ZNF804B: variants seen among roughly 807,000 people sequenced by gnomAD.
The protein encoded by ZNF804B is zinc finger 804B.
In ZNF804B, 80 loss-of-function variants were observed where a neutral mutation model predicts 101.4. The ratio of observed to expected loss-of-function variants is 0.79; its 90% CI spans 0.66 to 0.95. The LOEUF is 0.95. ZNF804B is among the 40% of genes least tolerant of loss of function. The pLI is 0.00. For missense variants in ZNF804B, 1,673 were observed against 1,561.9 expected, an observed-to-expected ratio of 1.07 and a Z score of -1.20; for synonymous variants, 622 against 558.8, an observed-to-expected ratio of 1.11 and a Z score of -1.59.
chr7:88,794,245 T>C (rs1334829679), intron 1 of ZNF804B: 2 of 1,613,542 alleles, frequency 1.2e-6, no homozygotes, highest in Non-Finnish European at 1.7e-6. Context: ...GGGTCTATTA[T>C]ACATGTTTAT....
intron 1 of ZNF804B, among the ~76,000 whole-genome samples, chr7:89,137,177 A>G (rs1375835121): frequency 1.3e-5 from 2 of 152,046 alleles, no homozygotes; most frequent in African/African-American, 4.8e-5. Flanking sequence ...AATATGGAAG[A>G]TATTATGGAA....
At chr7:89,288,982 G>T (rs1790246534) in intron 2 of ZNF804B, among the ~76,000 whole-genome samples, 1 of 152,118 alleles carries the variant, frequency 6.6e-6, no homozygotes, top group African/African-American at 2.4e-5. Context: ...TTCTTGCATT[G>T]TTTTTAGAAG....
chr7:89,058,835 A>G (rs1789334181), intron 1 of ZNF804B, among the ~76,000 whole-genome samples: 1 of 152,172 alleles, frequency 6.6e-6, no homozygotes, highest in Admixed American at 6.5e-5. Flanking sequence ...CTAGGACTAC[A>G]GGCCTGTGCC....
chr7:88,922,553 C>T (rs951564910), intron 1 of ZNF804B, among the ~76,000 whole-genome samples: 18 of 151,872 alleles, frequency 1.2e-4, no homozygotes, highest in African/African-American at 3.9e-4. Flanking sequence ...TAATTCTTGT[C>T]AACCCTTATA....
chr7:89,276,374 A>G (rs763137970), intron 2 of ZNF804B, among the ~76,000 whole-genome samples: 1 of 152,018 alleles, frequency 6.6e-6, no homozygotes, highest in East Asian at 1.9e-4. Context: ...CCCCTTGGAT[A>G]TACACACATG....
intron 1 of ZNF804B, among the ~76,000 whole-genome samples, chr7:89,029,858 G>A (rs900620042): frequency 2.0e-5 from 3 of 152,128 alleles, no homozygotes; most frequent in Non-Finnish European, 2.9e-5. Flanking sequence ...AGGTGGTACT[G>A]TATTAGTAAT....
chr7:89,335,853 T>C lies in ZNF804B; in HGVS notation c.2871T>C (p.Ala957=). The C allele has an allele frequency of 6.2e-7, 1 of 1,614,060 alleles. No individual in the cohort carries two copies. Among genetic ancestry groups the C allele is most frequent in the Non-Finnish European group, 8.5e-7 (1 of 1,179,984 alleles). ...SSNSCKSELE[A]PSQVPCTIQL... ...ACAGTTGTAAAAGTGAATTAGAGGC[T>C]CCTTCGCAAGTCCCATGCACAATTC... The change falls in exon 4 of 4, where the codon GCT becomes GCC. Residue 957 remains alanine, a synonymous_variant. Coordinates refer to ENST00000333190, the MANE Select transcript of ZNF804B (RefSeq NM_181646.5).
At chr7:89,087,399 A>T (rs370123867) in intron 1 of ZNF804B, among the ~76,000 whole-genome samples, 1 of 152,006 alleles carries the variant, frequency 6.6e-6, no homozygotes, top group Non-Finnish European at 1.5e-5. Flanking sequence ...TAATGCTTCA[A>T]AGTCCCAGAA....
chr7:89,308,259 G>A (rs1790595813), intron 2 of ZNF804B, among the ~76,000 whole-genome samples: 1 of 152,148 alleles, frequency 6.6e-6, no homozygotes, highest in South Asian at 2.1e-4. Context: ...GCTGTTTTCT[G>A]TGAGCAATAC....
At chr7:89,125,025 ATTG>A (rs1301874326) in intron 1 of ZNF804B, among the ~76,000 whole-genome samples, 229 of 150,196 alleles carry the variant, frequency 1.5e-3, no homozygotes, top group African/African-American at 5.2e-3. Context: ...TTTGGAGACA[ATTG>A]TTGTTTTTTT....
intron 1 of ZNF804B, among the ~76,000 whole-genome samples, chr7:89,097,378 G>T (rs1789985795): frequency 6.6e-6 from 1 of 152,112 alleles, no homozygotes; most frequent in Non-Finnish European, 1.5e-5. Context: ...TTTTGAGTCT[G>T]CAAATTAAGC....
intron 1 of ZNF804B, among the ~76,000 whole-genome samples, chr7:88,991,469 G>T (rs1793845558): frequency 6.6e-6 from 1 of 152,108 alleles, no homozygotes; most frequent in African/African-American, 2.4e-5. Context: ...GCTCTGGAGG[G>T]GATCCTTCCC....
At chr7:88,963,929 A>G (rs1793422674) in intron 1 of ZNF804B, among the ~76,000 whole-genome samples, 1 of 151,470 alleles carries the variant, frequency 6.6e-6, no homozygotes, top group Admixed American at 6.6e-5. Context: ...GATGATGAAC[A>G]TCATTAATCA....
chr7:89,168,322 G>GTA (rs35124822), intron 1 of ZNF804B, among the ~76,000 whole-genome samples: 19 of 151,242 alleles, frequency 1.3e-4, no homozygotes, highest in East Asian at 5.8e-4. Context: ...CTGTGTGTGT[G>GTA]TATATATATA....
chr7:88,884,320 G>A (rs1355903996), intron 1 of ZNF804B, among the ~76,000 whole-genome samples: 1 of 151,600 alleles, frequency 6.6e-6, no homozygotes, highest in Non-Finnish European at 1.5e-5. Flanking sequence ...TTTCCTTAAT[G>A]TATTGGAGAC....
chr7:88,858,847 T>C (rs1366467624), intron 1 of ZNF804B, among the ~76,000 whole-genome samples: 1 of 152,128 alleles, frequency 6.6e-6, no homozygotes, highest in Non-Finnish European at 1.5e-5. Context: ...ACTGTGAACT[T>C]GATGCCAATA....
chr7:88,767,230 C>A (rs1789999068), intron 1 of ZNF804B, among the ~76,000 whole-genome samples: 1 of 152,198 alleles, frequency 6.6e-6, no homozygotes, highest in South Asian at 2.1e-4. Context: ...CCCCTGTTCA[C>A]CATCCACACG....
chr7:88,856,823 T>C (rs1286315695), intron 1 of ZNF804B, among the ~76,000 whole-genome samples: 1 of 152,160 alleles, frequency 6.6e-6, no homozygotes, highest in Non-Finnish European at 1.5e-5. Flanking sequence ...TGAAGGGCTG[T>C]TGAATTTTGT....
At chr7:89,279,411 G>A (rs945461261) in intron 2 of ZNF804B, among the ~76,000 whole-genome samples, 2 of 150,360 alleles carry the variant, frequency 1.3e-5, no homozygotes, top group Non-Finnish European at 1.5e-5. Flanking sequence ...GGTGAGAGAG[G>A]GCATCCCTGT....
Sources: gnomAD v4.1 joint callset for allele counts (sites outside exome capture counted in the v4.1 genomes callset) on GRCh38, gnomAD v4.1.1 for gene constraint, MANE v1.5 for transcripts, NCBI Gene and HGNC (gene_info 2026-07-23, HGNC 2026-07-21) for gene names.